The following NCALD variants were observed in gnomAD, a reference collection of about 807,000 sequenced individuals.
The protein encoded by NCALD is neurocalcin-delta.
Under a neutral mutation model 18.6 loss-of-function variants are expected in NCALD, and 10 were observed. The ratio of observed to expected loss-of-function variants is 0.54; its 90% CI spans 0.33 to 0.91. NCALD has a LOEUF of 0.91. Among genes scored for constraint, NCALD ranks in the 40% least tolerant of loss-of-function variants. NCALD has a pLI of 0.03. For synonymous variants in NCALD, 88 were observed against 87.4 expected, an observed-to-expected ratio of 1.01 and a Z score of -0.04; for missense variants, 184 against 247.6, an observed-to-expected ratio of 0.74 and a Z score of 1.72.
chr8:101,802,568 C>T (rs1463848375), intron 4 of NCALD, among the ~76,000 whole-genome samples: 1 of 151,138 alleles, frequency 6.6e-6, no homozygotes, highest in African/African-American at 2.4e-5. Context: ...ACAGTGAACA[C>T]ACGAATGATT....
At chr8:101,952,486 C>A (rs1000769300) in intron 2 of NCALD, among the ~76,000 whole-genome samples, 1 of 152,194 alleles carries the variant, frequency 6.6e-6, no homozygotes, top group Non-Finnish European at 1.5e-5. Context: ...GCCATGTAGG[C>A]AATACCCACC....
rs547998338 is a variant in NCALD, at chr8:101,702,563, C to T, written c.379-9667G>A. Among the ~76,000 whole-genome samples, 8 of 152,260 alleles carry T rather than the reference C, an allele frequency of 5.3e-5. No homozygotes were observed. The South Asian group carries it at 1.2e-3, about 24-fold the overall frequency. ...TGATTCTTAAATGGAATGAGAATGT[C>T]CAAGATCTGTACACTGTACTCTCTG... On this transcript the variant is annotated intron_variant, in intron 2 of 3. Transcript: ENST00000220931.
intron 2 of NCALD, among the ~76,000 whole-genome samples, chr8:101,949,335 C>G (rs752661574): frequency 6.6e-6 from 1 of 151,996 alleles, no homozygotes; most frequent in Non-Finnish European, 1.5e-5. Flanking sequence ...TGAAGGTTCA[C>G]TAGTCGTCAC....
Position 101,801,765 on chromosome 8 carries a change from C to G in NCALD, c.-19-82117G>C, listed in dbSNP as rs1812873089. On this transcript the variant is annotated intron_variant, in intron 4 of 6. Coordinates refer to the NCALD transcript ENST00000311028. ...CACTGCAAGCTCCGCCTCCCGGGTT[C>G]ACGCCATTCTCCTGCCTCAGCCTCC... Among the ~76,000 whole-genome samples the G allele has an allele frequency of 7.5e-5, 11 of 146,970 alleles. 2 individuals are homozygous for G. Among genetic ancestry groups the G allele is most frequent in the Admixed American group, 7.0e-4 (10 of 14,212 alleles).
chr8:101,689,426 G>C lies in NCALD; in HGVS notation c.485-20C>G. On this transcript the variant is annotated intron_variant, in intron 3 of 3. Coordinates refer to ENST00000220931, the MANE Select transcript of NCALD (RefSeq NM_032041.3). This position sits in a 1 kb window ranked among gnomAD's most constrained non-coding sequence, Gnocchi z 4.4. ...GTTTTCCTAGGAAGCAAGAGGACAGGTGAGTGGTGGCTGGTGGCAGCTGCA... is the reference window on the plus strand; with the variant it reads ...GTTTTCCTAGGAAGCAAGAGGACAGCTGAGTGGTGGCTGGTGGCAGCTGCA... The C allele has an allele frequency of 1.3e-6, 2 of 1,573,954 alleles. No homozygotes were observed. Among genetic ancestry groups the C allele is most frequent in the Non-Finnish European group, 1.7e-6 (2 of 1,156,282 alleles).
At chr8:101,931,614 C>CT (rs58954851) in intron 2 of NCALD, among the ~76,000 whole-genome samples, 20,507 of 149,432 alleles carry the variant, frequency 0.14, 1,786 homozygotes, top group East Asian at 0.29. Context: ...AATCACCTTC[C>CT]TTTTTTTTTT....
intron 1 of NCALD, among the ~76,000 whole-genome samples, chr8:101,720,155 T>G (rs1176099230): frequency 6.6e-6 from 1 of 152,190 alleles, no homozygotes; most frequent in Non-Finnish European, 1.5e-5. Flanking sequence ...CTTGGATACC[T>G]TCTGAATATT....
intron 1 of NCALD, among the ~76,000 whole-genome samples, chr8:102,117,107 C>T (rs550706723): frequency 2.6e-5 from 4 of 152,164 alleles, no homozygotes; most frequent in South Asian, 2.1e-4. Flanking sequence ...GGAGGAAGCA[C>T]GGCATTTCGG....
chr8:101,702,742 T>C (rs6468789), intron 2 of NCALD, among the ~76,000 whole-genome samples: 147,512 of 152,332 alleles, frequency 0.97, 71,545 homozygotes, highest in Non-Finnish European at 1. Context: ...TCCGCAGAAG[T>C]GGCCTCATGG....
chr8:102,014,418 T>C (rs1251133177), intron 2 of NCALD, among the ~76,000 whole-genome samples: 6 of 152,086 alleles, frequency 3.9e-5, no homozygotes, highest in Admixed American at 6.5e-5. Flanking sequence ...CTTAAAACCA[T>C]CTCTTTGGGG....
chr8:101,982,255 C>T (rs1200007770), intron 2 of NCALD, among the ~76,000 whole-genome samples: 1 of 152,174 alleles, frequency 6.6e-6, no homozygotes, highest in East Asian at 1.9e-4. Flanking sequence ...CAGACTAACA[C>T]ACATTCTAAG....
intron 2 of NCALD, among the ~76,000 whole-genome samples, chr8:101,982,840 CAAA>C (rs34445002): frequency 5.3e-5 from 6 of 112,354 alleles, no homozygotes; most frequent in African/African-American, 8.5e-5. Context: ...GACCCCATCT[CAAA>C]AAAAAAAAAA....
intron 2 of NCALD, among the ~76,000 whole-genome samples, chr8:101,705,141 C>T (rs1016892945): frequency 3.2e-4 from 49 of 151,354 alleles, no homozygotes; most frequent in Non-Finnish European, 2.2e-4. Context: ...GCAGGAGAAT[C>T]GCTGAAACTC....
In NCALD at chr8:101,688,733, A is replaced by G. The variant is rs1814571399; in HGVS notation, c.*576T>C. On this transcript the variant is annotated 3_prime_UTR_variant, in exon 4 of 4. Coordinates refer to ENST00000220931, the MANE Select transcript of NCALD (RefSeq NM_032041.3). ...TCTTTTTCCTCTCCTCTGTTAATTT[A>G]TCTTGAAATGTTCACAGCTTAGAAA... The G allele has an allele frequency of 7.8e-6, 4 of 512,620 alleles. No individual in the cohort carries two copies. The highest frequency in any genetic ancestry group is 7.6e-5 in the African/African-American group (4 of 52,438). The allele number at this position is 512,620 out of a possible 1,614,324, so 31.8% of individuals were successfully genotyped here.
intron 4 of NCALD, among the ~76,000 whole-genome samples, chr8:101,853,342 T>G (rs996444589): frequency 1.3e-5 from 2 of 152,118 alleles, no homozygotes; most frequent in Non-Finnish European, 2.9e-5. Context: ...ATTTCTCCCT[T>G]TGGCTGGGAT....
At chr8:102,106,173 A>G (rs551927031) in intron 1 of NCALD, among the ~76,000 whole-genome samples, 322 of 151,546 alleles carry the variant, frequency 2.1e-3, no homozygotes, top group African/African-American at 7.3e-3. Context: ...AGGTTCAAGC[A>G]ATTCTCCTGC....
intron 3 of NCALD, among the ~76,000 whole-genome samples, chr8:101,904,778 G>A (rs999178804): frequency 6.6e-6 from 1 of 152,148 alleles, no homozygotes; most frequent in African/African-American, 2.4e-5. Flanking sequence ...GGTGCCTACT[G>A]ATTTCCAGGT....
rs545314923 is a variant in NCALD at position 102,081,340 on chromosome 8, T to C, written c.-210+42897A>G. 9.8e-5 allele frequency among the ~76,000 whole-genome samples: 15 copies of C among 152,300 alleles called. No homozygotes were observed. In the South Asian group the frequency reaches 3.1e-3, roughly 32 times the overall value. ...ATTCAAATATATTTACACATTATTT[T>C]TGAGGTTAAACCTCTTTAATGAGTC... On this transcript the variant is annotated intron_variant, in intron 1 of 6. Transcript: ENST00000311028.
intron 4 of NCALD, among the ~76,000 whole-genome samples, chr8:101,858,249 G>A (rs73696527): frequency 0.03 from 4,491 of 152,208 alleles, 223 homozygotes; most frequent in African/African-American, 0.1. Context: ...AGTTTCACAC[G>A]TCATTGGATC....
Sources: allele counts gnomAD v4.1 joint callset (sites outside exome capture counted in the v4.1 genomes callset), GRCh38; gene constraint gnomAD v4.1.1; non-coding constraint Gnocchi (gnomAD v3.1); transcripts MANE v1.5; gene names NCBI Gene and HGNC (gene_info 2026-07-23, HGNC 2026-07-21).